Variants in RBPMS2 observed in about 807,000 individuals in gnomAD.
RBPMS2 encodes the protein RNA-binding protein with multiple splicing 2.
A neutral mutation model predicts 25.7 loss-of-function variants in RBPMS2; 14 were observed. That is an observed-to-expected ratio of 0.55 (90% CI 0.36 to 0.85). The LOEUF (loss-of-function observed/expected upper bound fraction) is 0.85, where lower values mean the gene tolerates loss of function less well. Ranked by LOEUF, RBPMS2 falls within the 40% of genes least tolerant of loss-of-function variation. The probability of loss-of-function intolerance (pLI) is 0.01; values close to 1 mark genes in which losing one functional copy is unlikely to be tolerated. For synonymous variants in RBPMS2, 127 were observed against 115.6 expected (o/e 1.10, Z -0.63); for missense variants, 252 against 283.4 (o/e 0.89, Z 0.80).
At chr15:64,742,808 T>C (rs1397705058) in intron 6 of RBPMS2, among the ~76,000 whole-genome samples, 2 of 152,114 alleles carry the variant, frequency 1.3e-5, no homozygotes, top group South Asian at 2.1e-4. Flanking sequence ...GCAGACCCAG[T>C]TACCCACTTG....
At chr15:64,770,748 G>A (rs146921097) in intron 1 of RBPMS2, among the ~76,000 whole-genome samples, 110 of 152,100 alleles carry the variant, frequency 7.2e-4, no homozygotes, top group African/African-American at 2.0e-3. Flanking sequence ...GAATTACCTC[G>A]CACTCATCTA....
intron 2 of RBPMS2, 67 bp from the exon 3 acceptor site, chr15:64,750,448 A>G: frequency 7.4e-7 from 1 of 1,358,876 alleles, no homozygotes. Context: ...CAGCGCTGCC[A>G]CCTCATCAGC....
intron 1 of RBPMS2, among the ~76,000 whole-genome samples, chr15:64,774,262 G>C (rs1387409694): frequency 6.6e-6 from 1 of 152,222 alleles, no homozygotes; most frequent in Non-Finnish European, 1.5e-5. Flanking sequence ...CCAGGGCAGG[G>C]GCAGGAAGGC....
chr15:64,774,732 A>AGCCGGCCGGCCAGCCGGCCG (rs146916271), intron 1 of RBPMS2, among the ~76,000 whole-genome samples: 1 of 147,068 alleles, frequency 6.8e-6, no homozygotes, highest in East Asian at 2.1e-4. Context: ...GGAACCGAGG[A>AGCCGGCCGGCCAGCCGGCCG]GCCGGCCGGC....
intron 1 of RBPMS2, among the ~76,000 whole-genome samples, chr15:64,767,185 G>A (rs1304927213): frequency 6.6e-6 from 1 of 151,396 alleles, no homozygotes; most frequent in Non-Finnish European, 1.5e-5. Context: ...CTGCAGCCTC[G>A]ACTTCCCGGG....
At chr15:64,758,477 G>C (rs531964050) in intron 1 of RBPMS2, among the ~76,000 whole-genome samples, 3 of 152,234 alleles carry the variant, frequency 2.0e-5, no homozygotes, top group Non-Finnish European at 4.4e-5. Context: ...CAACCCTTCT[G>C]GTGGAACCTG....
intron 1 of RBPMS2, among the ~76,000 whole-genome samples, chr15:64,752,531 T>G (rs1443688635): frequency 6.6e-6 from 1 of 152,106 alleles, no homozygotes; most frequent in Non-Finnish European, 1.5e-5. Flanking sequence ...AACAGGGTAA[T>G]GGGTAAACAG....
intron 1 of RBPMS2, among the ~76,000 whole-genome samples, chr15:64,764,420 C>T (rs1025829449): frequency 6.6e-6 from 1 of 152,220 alleles, no homozygotes; most frequent in South Asian, 2.1e-4. Flanking sequence ...GCCCACCACA[C>T]CTAGCCCATT....
At chr15:64,771,832 A>C (rs913358215) in intron 1 of RBPMS2, among the ~76,000 whole-genome samples, 3 of 151,820 alleles carry the variant, frequency 2.0e-5, no homozygotes, top group Non-Finnish European at 2.9e-5. Context: ...GGTGGCGGGC[A>C]CCTGTAATCC....
intron 1 of RBPMS2, among the ~76,000 whole-genome samples, chr15:64,769,941 G>C (rs2083880219): frequency 6.6e-6 from 1 of 152,168 alleles, no homozygotes; most frequent in Admixed American, 6.5e-5. Context: ...AGCACTTTGG[G>C]AGGCCGAGGC....
In RBPMS2 at chr15:64,749,431, G is replaced by A. The variant is rs750140091; in HGVS notation, c.267C>T (p.Asn89=). The A allele has an allele frequency of 2.4e-5, 38 of 1,612,726 alleles. No individual in the cohort carries two copies. In the South Asian group the frequency reaches 3.2e-4, roughly 14 times the overall value. The change falls in exon 4 of 8, where the codon AAC becomes AAT. Residue 89 remains asparagine (N), a splice_region_variant and synonymous_variant. Transcript: ENST00000300069. The stretch of plus-strand genomic sequence containing the variant: ...GAAGACCTGTTCTCCACCTACTCAC[G>A]TTCAGCGCATTCTTGGCCGCTTCTG... ...AGAEAAKNAL[N]GIRFDPENPQ...
intron 1 of RBPMS2, among the ~76,000 whole-genome samples, chr15:64,768,024 T>C (rs2083861312): frequency 6.6e-6 from 1 of 152,128 alleles, no homozygotes; most frequent in Non-Finnish European, 1.5e-5. Context: ...CTAAACAGAT[T>C]GCCCGTATGT....
At chr15:64,750,527 A>T in intron 2 of RBPMS2, 146 bp from the exon 3 acceptor site, 1 of 740,822 alleles carries the variant, frequency 1.3e-6, no homozygotes, top group South Asian at 1.5e-5. Flanking sequence ...GACCTCCGCC[A>T]CTGCCAAACG....
chr15:64,749,295 C>T, intron 4 of RBPMS2, 136 bp downstream of exon 4: 1 of 1,320,152 alleles, frequency 7.6e-7, no homozygotes, highest in East Asian at 2.3e-5. Context: ...GCAGCTCAGG[C>T]CTTGAGTAAT....
In RBPMS2 at chr15:64,762,489, T is replaced by A. The variant is rs758065584; in HGVS notation, c.88-10851A>T. 7.5e-6 allele frequency: 4 copies of A among 534,608 alleles called. No individual in the cohort carries two copies. In the African/African-American group the frequency reaches 7.7e-5, roughly 10 times the overall value. 33.1% of individuals were successfully genotyped at this position (534,608 alleles called of 1,614,324 possible). On this transcript the variant is annotated intron_variant, in intron 1 of 7. Transcript: ENST00000300069. The stretch of plus-strand genomic sequence containing the variant: ...AGCACGTTTTCAGAATTTGCTGCCA[T>A]CATCATCGCACCCAGATCTGATCTG...
chr15:64,742,849 C>T (rs1226312132), intron 6 of RBPMS2, among the ~76,000 whole-genome samples: 7 of 152,184 alleles, frequency 4.6e-5, no homozygotes, highest in African/African-American at 1.7e-4. Flanking sequence ...CCTGGGTAAG[C>T]CATGCCAGGC....
Position 64,740,748 on chromosome 15 carries a change from G to A in RBPMS2, c.*260C>T, listed in dbSNP as rs372895453. The A allele has an allele frequency of 1.1e-4, 18 of 162,760 alleles. No individual in the cohort carries two copies. Among genetic ancestry groups the A allele is most frequent in the African/African-American group, 1.9e-4 (8 of 41,796 alleles). The allele number at this position is 162,760 out of a possible 1,614,324, so 10.1% of individuals were successfully genotyped here. The stretch of plus-strand genomic sequence containing the variant: ...CTTGCCAGGTCCCAGTGAGGCCTCC[G>A]AGCTGGATCTGGGCGCCCCAGGGAG... On this transcript the variant is annotated 3_prime_UTR_variant, in exon 8 of 8. Coordinates refer to ENST00000300069, the MANE Select transcript of RBPMS2 (RefSeq NM_194272.3).
intron 6 of RBPMS2, among the ~76,000 whole-genome samples, chr15:64,741,447 G>A (rs1010399696): frequency 2.6e-5 from 4 of 152,154 alleles, no homozygotes; most frequent in Non-Finnish European, 5.9e-5. Context: ...TCCTCTGCAG[G>A]ACACAGGTTC....
chr15:64,765,688 G>A (rs139944825), intron 1 of RBPMS2, among the ~76,000 whole-genome samples: 1 of 152,316 alleles, frequency 6.6e-6, no homozygotes, highest in African/African-American at 2.4e-5. Flanking sequence ...GCTCACACCT[G>A]TAATCCCAGC....
Sources: allele counts gnomAD v4.1 joint callset (sites outside exome capture counted in the v4.1 genomes callset), GRCh38; gene constraint gnomAD v4.1.1; transcripts MANE v1.5; gene names NCBI Gene and HGNC (gene_info 2026-07-23, HGNC 2026-07-21).